CELF2: variants seen among roughly 807,000 people sequenced by gnomAD.
The protein encoded by CELF2 is CUG triplet repeat RNA-binding protein 2.
CELF2 carries 8 observed loss-of-function variants against 62.6 expected under a neutral mutation model. The observed-to-expected ratio is 0.13, with a 90% CI of 0.07 to 0.23. The LOEUF is 0.23. Ranked by LOEUF, CELF2 falls within the 10% of genes least tolerant of loss-of-function variation. CELF2 has a pLI of 1.00. For synonymous variants in CELF2, 258 were observed against 250.0 expected (o/e 1.03, Z -0.30); for missense variants, 333 against 671.0 (o/e 0.50, Z 5.56).
At chr10:10,660,622 G>A in the CELF2 span, among the ~76,000 whole-genome samples, 9 of 152,100 alleles carry the variant, frequency 5.9e-5, no homozygotes, top group Admixed American at 4.6e-4. Context: ...ATTCTTCAAG[G>A]CTGAGACAGC....
chr10:10,551,732 C>T, the CELF2 span, among the ~76,000 whole-genome samples: 11 of 152,080 alleles, frequency 7.2e-5, no homozygotes, highest in African/African-American at 2.7e-4. Context: ...ACTGTATTTC[C>T]GCTTAATGTA....
chr10:10,480,579 A>G, the CELF2 span, among the ~76,000 whole-genome samples: 1 of 152,204 alleles, frequency 6.6e-6, no homozygotes, highest in Admixed American at 6.5e-5. Context: ...AAATTTCCTA[A>G]GTGAGCAAGA....
chr10:10,940,111 G>A (rs1466959366), intron 2 of CELF2, among the ~76,000 whole-genome samples: 1 of 152,166 alleles, frequency 6.6e-6, no homozygotes, highest in East Asian at 1.9e-4. Flanking sequence ...TTTATTATGT[G>A]TGTGGAGGTG....
the CELF2 span, among the ~76,000 whole-genome samples, chr10:10,657,172 A>C: frequency 6.6e-6 from 1 of 152,180 alleles, no homozygotes; most frequent in Non-Finnish European, 1.5e-5. Flanking sequence ...CAAATAATGC[A>C]TATGTCCATT....
At chr10:11,299,239 C>T (rs967589683) in intron 9 of CELF2, among the ~76,000 whole-genome samples, 1 of 152,368 alleles carries the variant, frequency 6.6e-6, no homozygotes, top group Admixed American at 6.5e-5. Context: ...GTTTGTATCT[C>T]GGGCCACACG....
At chr10:10,864,000 C>G (rs1394917343) in intron 1 of CELF2, among the ~76,000 whole-genome samples, 4 of 152,254 alleles carry the variant, frequency 2.6e-5, no homozygotes, top group African/African-American at 9.6e-5. Flanking sequence ...TTGGAGCTTC[C>G]CAATTCATGA....
At chr10:10,923,078 A>C (rs1419255966) in intron 2 of CELF2, 1 of 152,152 alleles carries the variant, frequency 6.6e-6, no homozygotes, top group African/African-American at 2.4e-5. Context: ...TGTCACGGGG[A>C]AAGTACAAAT....
chr10:10,857,521 A>C (rs1294895994), intron 1 of CELF2, among the ~76,000 whole-genome samples: 5 of 151,628 alleles, frequency 3.3e-5, no homozygotes, highest in African/African-American at 1.2e-4. Context: ...AAGGAAGAAA[A>C]CAGTGTGATA....
intron 8 of CELF2, among the ~76,000 whole-genome samples, chr10:11,284,416 T>TG (rs1353984027): frequency 6.6e-5 from 3 of 45,270 alleles, no homozygotes; most frequent in Non-Finnish European, 1.2e-4. Context: ...TGGATGACTG[T>TG]GTGGTAGGTG....
Position 11,318,484 on chromosome 10 carries a change from C to A in CELF2, c.1097-2705C>A. On this transcript the variant is annotated intron_variant, in intron 10 of 12. Transcript: ENST00000633077. The surrounding 1 kb of genome is among the most constrained non-coding windows in gnomAD (Gnocchi z 5.4). ...CAGCTGTCTCCTACATGCACAGCACCAGCAGAAGTAAACACGACCCTTCCA... is the reference window on the plus strand; with the variant it reads ...CAGCTGTCTCCTACATGCACAGCACAAGCAGAAGTAAACACGACCCTTCCA... The A allele has an allele frequency of 2.9e-6, 1 of 343,892 alleles. No individual in the cohort carries two copies. The highest frequency in any genetic ancestry group is 5.7e-6 in the Non-Finnish European group (1 of 175,304). 21.3% of individuals were successfully genotyped at this position (343,892 alleles called of 1,614,324 possible).
rs2140016410 is a variant in CELF2, at chr10:11,297,324, A to G, written c.976+8772A>G. Among the ~76,000 whole-genome samples the G allele has an allele frequency of 6.6e-6, 1 of 152,274 alleles. No individual in the cohort carries two copies. The highest frequency in any genetic ancestry group is 2.1e-4 in the South Asian group (1 of 4,828). ...GCCGGGAGCTGCAGAGTGGATTGAG[A>G]CTGACCTGCAGAGGCCAGGCGGGCT... On this transcript the variant is annotated intron_variant, in intron 9 of 12. Coordinates refer to ENST00000633077, the MANE Select transcript of CELF2 (RefSeq NM_001326342.2). This position sits in a 1 kb window ranked among gnomAD's most constrained non-coding sequence, Gnocchi z 4.4.
At chr10:10,703,756 C>T in the CELF2 span, among the ~76,000 whole-genome samples, 1 of 152,168 alleles carries the variant, frequency 6.6e-6, no homozygotes, top group Non-Finnish European at 1.5e-5. Context: ...CCCAACATTA[C>T]CCCTGAGTAT....
intron 9 of CELF2, among the ~76,000 whole-genome samples, chr10:11,312,471 G>A (rs2094614299): frequency 6.6e-6 from 1 of 152,192 alleles, no homozygotes; most frequent in Non-Finnish European, 1.5e-5. Context: ...TTCAGAGGGG[G>A]CTCTTCTGCC....
chr10:10,671,089 C>T, the CELF2 span, among the ~76,000 whole-genome samples: 1 of 149,684 alleles, frequency 6.7e-6, no homozygotes, highest in Non-Finnish European at 1.5e-5. Context: ...TTACCTAAGC[C>T]TGGGAGATTG....
At chr10:10,708,554 A>C in the CELF2 span, among the ~76,000 whole-genome samples, 1 of 152,220 alleles carries the variant, frequency 6.6e-6, no homozygotes, top group Non-Finnish European at 1.5e-5. Context: ...AAAGCAAGAT[A>C]ATATTACAGT....
chr10:10,672,489 CTTT>C, the CELF2 span, among the ~76,000 whole-genome samples: 109 of 138,328 alleles, frequency 7.9e-4, no homozygotes, highest in African/African-American at 1.2e-3. Flanking sequence ...GTCTACATTC[CTTT>C]TTTTTTTTTT....
At chr10:10,828,132 G>A (rs1323812314) in intron 1 of CELF2, among the ~76,000 whole-genome samples, 1 of 151,910 alleles carries the variant, frequency 6.6e-6, no homozygotes, top group East Asian at 1.9e-4. Flanking sequence ...AGAATTACCA[G>A]GTGATCCAGC....
Position 11,079,746 on chromosome 10 carries a change from C to T in CELF2, c.74+61583C>T, listed in dbSNP as rs556677804. On this transcript the variant is annotated intron_variant, in intron 1 of 12. Coordinates refer to ENST00000633077, the MANE Select transcript of CELF2 (RefSeq NM_001326342.2). ...TGTGAGAATGGACTAATACAGCCCC[C>T]CCCCCCTTTTTAGGCCATGGAATCT... Among the ~76,000 whole-genome samples, 768 of 131,454 alleles carry T rather than the reference C, an allele frequency of 5.8e-3. 15 individuals carry two copies. Among genetic ancestry groups the T allele is most frequent in the South Asian group, 0.012 (50 of 4,118 alleles). 86.2% of individuals were successfully genotyped at this position (131,454 alleles called of 152,430 possible).
At chr10:10,867,535 T>C (rs2060465797) in intron 1 of CELF2, among the ~76,000 whole-genome samples, 1 of 152,210 alleles carries the variant, frequency 6.6e-6, no homozygotes, top group Non-Finnish European at 1.5e-5. Context: ...ATATCGCTAA[T>C]CTTATTGGCC....
Sources: gnomAD v4.1 joint callset for allele counts (sites outside exome capture counted in the v4.1 genomes callset) on GRCh38, gnomAD v4.1.1 for gene constraint, Gnocchi (gnomAD v3.1) non-coding constraint, MANE v1.5 for transcripts, NCBI Gene and HGNC (gene_info 2026-07-23, HGNC 2026-07-21) for gene names.